The following CSMD3 variants were observed in gnomAD, a reference collection of about 807,000 sequenced individuals.
The protein encoded by CSMD3 is CUB and Sushi multiple domains 3.
CSMD3 carries 177 observed loss-of-function variants against 435.2 expected under a neutral mutation model. The observed-to-expected ratio is 0.41, with a 90% confidence interval of 0.36 to 0.46. The LOEUF is 0.46. Among genes scored for constraint, CSMD3 ranks in the 20% least tolerant of loss-of-function variants. The pLI, the probability that CSMD3 is intolerant of heterozygous loss-of-function variation, is 0.34. For synonymous variants in CSMD3, 1,656 were observed against 1,520.5 expected, an observed-to-expected ratio of 1.09 and a Z score of -2.07; for missense variants, 4,265 against 4,504.6, an observed-to-expected ratio of 0.95 and a Z score of 1.52.
intron 7 of CSMD3, among the ~76,000 whole-genome samples, chr8:112,968,512 C>G (rs2084512437): frequency 6.6e-6 from 1 of 151,624 alleles, no homozygotes; most frequent in South Asian, 2.1e-4. Context: ...TAATAAACTG[C>G]TTTGCACTGT....
At chr8:112,624,308 T>G (rs1304939263) in intron 22 of CSMD3, among the ~76,000 whole-genome samples, 1 of 152,056 alleles carries the variant, frequency 6.6e-6, no homozygotes, top group Admixed American at 6.6e-5. Context: ...CAAGAAAAAC[T>G]TCTTTGGCAA....
intron 14 of CSMD3, among the ~76,000 whole-genome samples, chr8:112,686,895 A>C (rs2131811688): frequency 6.6e-6 from 1 of 152,252 alleles, no homozygotes; most frequent in East Asian, 1.9e-4. Context: ...AGCAAAATTT[A>C]TACTTATTAG....
chr8:113,345,491 A>C (rs548854164), intron 1 of CSMD3, among the ~76,000 whole-genome samples: 61 of 152,238 alleles, frequency 4.0e-4, no homozygotes, highest in African/African-American at 1.4e-3. Context: ...CAAAAAACTG[A>C]ATATACAAAA....
chr8:112,690,937 A>T (rs1487590228), intron 13 of CSMD3, among the ~76,000 whole-genome samples: 7 of 152,110 alleles, frequency 4.6e-5, no homozygotes, highest in African/African-American at 1.7e-4. Context: ...CTCTCCTGAC[A>T]CTCAAATATC....
intron 13 of CSMD3, among the ~76,000 whole-genome samples, chr8:112,744,444 T>A (rs949016880): frequency 2.7e-4 from 41 of 152,044 alleles, no homozygotes; most frequent in Admixed American, 7.2e-4. Flanking sequence ...TAGGAAGACT[T>A]TTTTTGTGTT....
At chr8:112,839,774 CTT>C (rs2080128921) in intron 11 of CSMD3, among the ~76,000 whole-genome samples, 1 of 151,340 alleles carries the variant, frequency 6.6e-6, no homozygotes, top group African/African-American at 2.4e-5. Context: ...TGACTCCAGA[CTT>C]TGAGAAAATG....
rs1301914490 is a variant in CSMD3, at chr8:112,815,221, A to G, written c.1859+14465T>C. Among the ~76,000 whole-genome samples, 8 of 152,160 alleles carry G rather than the reference A, an allele frequency of 5.3e-5. No homozygotes were observed. In the South Asian group the frequency reaches 1.5e-3, roughly 28 times the overall value. On this transcript the variant is annotated intron_variant, in intron 12 of 70. Coordinates refer to ENST00000297405, the MANE Select transcript of CSMD3 (RefSeq NM_198123.2). ...GTATAAAGCATTATGGAATAATGGGACAATATAAATGTTAGTTCACTTAGC... is the reference window on the plus strand; with the variant it reads ...GTATAAAGCATTATGGAATAATGGGGCAATATAAATGTTAGTTCACTTAGC...
chr8:112,390,112 A>T (rs1352239053), intron 36 of CSMD3, among the ~76,000 whole-genome samples: 8 of 152,238 alleles, frequency 5.3e-5, no homozygotes, highest in Admixed American at 5.2e-4. Context: ...GTTGTTGCCC[A>T]TTGCATAGGT....
intron 32 of CSMD3, among the ~76,000 whole-genome samples, chr8:112,420,398 C>G (rs1338950981): frequency 6.6e-6 from 1 of 152,014 alleles, no homozygotes; most frequent in Admixed American, 6.6e-5. Flanking sequence ...ATATAATTAC[C>G]AGATCTAACA....
chr8:113,071,880 G>C (rs2089137767), intron 5 of CSMD3, among the ~76,000 whole-genome samples: 1 of 151,634 alleles, frequency 6.6e-6, no homozygotes, highest in Non-Finnish European at 1.5e-5. Context: ...GGTTTGAATT[G>C]AATCTTTAGA....
intron 5 of CSMD3, among the ~76,000 whole-genome samples, chr8:113,038,213 A>G (rs2087442813): frequency 6.6e-6 from 1 of 152,198 alleles, no homozygotes. Flanking sequence ...GTAACAGTAG[A>G]AAAAAACTGT....
rs1829720013 is a variant in CSMD3 at position 112,573,743 on chromosome 8, AGT to A, written c.3886-88_3886-87del. 51 of 1,123,288 alleles carry A rather than the reference AGT, an allele frequency of 4.5e-5. 2 individuals carry two copies. The South Asian group carries it at 6.4e-4, about 14-fold the overall frequency. The allele number at this position is 1,123,288 out of a possible 1,614,324, so 69.6% of individuals were successfully genotyped here. A position where few individuals can be genotyped will look rare whatever the true frequency, so the allele number is the denominator to read the frequency against. On this transcript the variant is annotated intron_variant, in intron 23 of 70. Transcript: ENST00000297405. ...TATTTGTATCTATGAAAAAGAGAAA[AGT>A]GTACTTTTTCTAAATCAGATCAGTA... is the stretch of plus-strand genomic sequence containing the variant.
At position 113,430,970 on chromosome 8, in the gene CSMD3, G is replaced by C. The variant is rs191118182; in HGVS notation, c.178+5707C>G. ...TGCAAGTCTGGGGCCTTAAGAGAAG[G>C]AAAGGTGATCATCAGCATTGTGGCT... On this transcript the variant is annotated intron_variant, in intron 1 of 70. Transcript: ENST00000297405. Among the ~76,000 whole-genome samples the C allele has an allele frequency of 3.9e-5, 6 of 152,262 alleles. No homozygotes were observed. In the South Asian group the frequency reaches 6.2e-4, roughly 16 times the overall value.
At chr8:112,759,367 T>A (rs1451936029) in intron 13 of CSMD3, among the ~76,000 whole-genome samples, 1 of 152,206 alleles carries the variant, frequency 6.6e-6, no homozygotes, top group East Asian at 1.9e-4. Flanking sequence ...GCTTCAAAAA[T>A]TCTCTATTAG....
intron 1 of CSMD3, among the ~76,000 whole-genome samples, chr8:113,412,265 T>A (rs1470163548): frequency 6.6e-6 from 1 of 152,126 alleles, no homozygotes. Flanking sequence ...GACATTACTA[T>A]CTTTTGGCAG....
intron 9 of CSMD3, among the ~76,000 whole-genome samples, chr8:112,944,775 C>A (rs2130783780): frequency 6.6e-6 from 1 of 151,634 alleles, no homozygotes; most frequent in East Asian, 2.0e-4. Flanking sequence ...TAGGTATTGT[C>A]ATAGTCCTCT....
Position 113,046,446 on chromosome 8 carries a change from T to C in CSMD3, c.918-27267A>G, listed in dbSNP as rs559784808. 9.3e-5 allele frequency among the ~76,000 whole-genome samples: 14 copies of C among 150,242 alleles called. 1 individual carries two copies. The East Asian group carries it at 1.7e-3, about 19-fold the overall frequency. ...CTCCACAAGAGCAGCCACCCAGGTG[T>C]CTCCCTCTGAGAGTTCTGAAGTCCG... is the stretch of plus-strand genomic sequence containing the variant. On this transcript the variant is annotated intron_variant, in intron 5 of 70. Coordinates refer to ENST00000297405, the MANE Select transcript of CSMD3 (RefSeq NM_198123.2).
At chr8:112,525,825 AAATAT>A (rs1824875657) in intron 27 of CSMD3, among the ~76,000 whole-genome samples, 1 of 137,190 alleles carries the variant, frequency 7.3e-6, no homozygotes, top group East Asian at 2.0e-4. Flanking sequence ...CACATATAAA[AAATAT>A]ATATATATAT....
At chr8:112,587,975 AT>A (rs1204073099) in intron 22 of CSMD3, among the ~76,000 whole-genome samples, 4 of 151,916 alleles carry the variant, frequency 2.6e-5, no homozygotes, top group Non-Finnish European at 5.9e-5. Context: ...TTCTCAACAA[AT>A]TTAGTTCGAA....
Sources: gnomAD v4.1 joint callset for allele counts (sites outside exome capture counted in the v4.1 genomes callset) on GRCh38, gnomAD v4.1.1 for gene constraint, MANE v1.5 for transcripts, NCBI Gene and HGNC (gene_info 2026-07-23, HGNC 2026-07-21) for gene names.